GMDS: variants seen among roughly 807,000 people sequenced by gnomAD.
GMDS encodes GDP-mannose 4,6 dehydratase.
Under a neutral mutation model 49.9 loss-of-function variants are expected in GMDS, and 20 were observed. The observed-to-expected ratio is 0.40, with a 90% CI of 0.28 to 0.58. The LOEUF is 0.58. GMDS is among the 20% of genes least tolerant of loss of function. GMDS has a pLI of 0.42. For synonymous variants in GMDS, 177 were observed against 178.6 expected (o/e 0.99, Z 0.07); for missense variants, 362 against 481.4 (o/e 0.75, Z 2.32).
intron 8 of GMDS, among the ~76,000 whole-genome samples, chr6:1,739,538 C>T (rs73716367): frequency 0.026 from 3,951 of 152,372 alleles, 176 homozygotes; most frequent in African/African-American, 0.09. Context: ...AGAATCCTCA[C>T]ACCCTGAAAA....
rs547990639 is a variant in GMDS, at chr6:1,973,771, T to C, written c.346-12805A>G. On this transcript the variant is annotated intron_variant, in intron 4 of 10. Transcript: ENST00000380815. ...ATAACCTTGGCATCTAAATAGCTAA[T>C]AATTCTTTAGTTAATAGATAAAATG... Among the ~76,000 whole-genome samples, 22 of 152,284 alleles carry C rather than the reference T, an allele frequency of 1.4e-4. No individual in the cohort carries two copies. In the South Asian group the frequency reaches 3.9e-3, roughly 27 times the overall value.
At position 2,100,520 on chromosome 6, in the gene GMDS, G is replaced by A. The variant is rs190317630; in HGVS notation, c.345+15251C>T. On this transcript the variant is annotated intron_variant, in intron 4 of 10. Coordinates refer to ENST00000380815, the MANE Select transcript of GMDS (RefSeq NM_001500.4). ...TATTTTATAAAGCTGTACTAGAAAG[G>A]TCTAACGTCACAATACAATGTAAAT... 1.4e-4 allele frequency among the ~76,000 whole-genome samples: 22 copies of A among 152,072 alleles called. 1 individual carries two copies. Among genetic ancestry groups the A allele is most frequent in the Middle Eastern group, 3.4e-3 (1 of 294 alleles).
chr6:1,900,655 T>C (rs1032375535), intron 7 of GMDS, among the ~76,000 whole-genome samples: 1 of 152,186 alleles, frequency 6.6e-6, no homozygotes, highest in Non-Finnish European at 1.5e-5. Context: ...TTTCAAATAA[T>C]GTGACAAGAA....
chr6:1,806,269 C>T (rs766262316), intron 7 of GMDS, among the ~76,000 whole-genome samples: 1 of 152,104 alleles, frequency 6.6e-6, no homozygotes, highest in Non-Finnish European at 1.5e-5. Flanking sequence ...CATAGGCTAA[C>T]GTACTGAATA....
intron 1 of GMDS, among the ~76,000 whole-genome samples, chr6:2,165,309 G>A (rs1184136696): frequency 6.6e-6 from 1 of 152,226 alleles, no homozygotes; most frequent in Admixed American, 6.5e-5. Flanking sequence ...AGAGCCAGGA[G>A]AGCCTTGGTA....
intron 9 of GMDS, among the ~76,000 whole-genome samples, chr6:1,654,048 C>A (rs1231323617): frequency 6.6e-6 from 1 of 152,084 alleles, no homozygotes; most frequent in South Asian, 2.1e-4. Context: ...GTCAAAACCA[C>A]CATGAGATAC....
chr6:2,071,905 T>C (rs765995007), intron 4 of GMDS, among the ~76,000 whole-genome samples: 6 of 152,184 alleles, frequency 3.9e-5, no homozygotes, highest in Non-Finnish European at 8.8e-5. Context: ...TATACCTCAC[T>C]TTCTTTATGT....
chr6:1,631,682 A>G (rs1581389721), intron 9 of GMDS, among the ~76,000 whole-genome samples: 1 of 151,616 alleles, frequency 6.6e-6, no homozygotes, highest in African/African-American at 2.4e-5. Flanking sequence ...CTTCTCCCCA[A>G]TCCAAATATA....
At chr6:1,719,280 G>A (rs1018897624) in intron 9 of GMDS, among the ~76,000 whole-genome samples, 4 of 151,942 alleles carry the variant, frequency 2.6e-5, no homozygotes, top group Admixed American at 1.3e-4. Flanking sequence ...TAGAGAAGCC[G>A]GCCTGGCATG....
At chr6:1,994,440 C>G (rs564114131) in intron 4 of GMDS, among the ~76,000 whole-genome samples, 2 of 152,104 alleles carry the variant, frequency 1.3e-5, no homozygotes, top group Admixed American at 6.5e-5. Flanking sequence ...TTAATTTTCA[C>G]AAAGCATCAA....
In GMDS at chr6:2,102,496, G is replaced by C. The variant is rs184691276; in HGVS notation, c.345+13275C>G. Among the ~76,000 whole-genome samples the C allele has an allele frequency of 9.9e-5, 15 of 152,258 alleles. No homozygotes were observed. The East Asian group carries it at 1.9e-3, about 20-fold the overall frequency. ...ACGATTCTTTTGAAACCAAGCAATT[G>C]AAGGAAATGGTGTTGCAATACTGTC... On this transcript the variant is annotated intron_variant, in intron 4 of 10. Transcript: ENST00000380815.
rs536246384 is a variant in GMDS at position 1,721,661 on chromosome 6, C to T, written c.987+4755G>A. Among the ~76,000 whole-genome samples, 38 of 151,550 alleles carry T rather than the reference C, an allele frequency of 2.5e-4. No individual in the cohort carries two copies. In the South Asian group the frequency reaches 6.9e-3, roughly 27 times the overall value. On this transcript the variant is annotated intron_variant, in intron 9 of 10. Coordinates refer to ENST00000380815, the MANE Select transcript of GMDS (RefSeq NM_001500.4). ...TTTGCTTTTTTTTTCTTTTGTTTTG[C>T]TTTTTTAGTGGATTGACCATTTGAT... is the stretch of plus-strand genomic sequence containing the variant.
At chr6:1,714,266 C>G (rs902537094) in intron 9 of GMDS, among the ~76,000 whole-genome samples, 17 of 152,138 alleles carry the variant, frequency 1.1e-4, no homozygotes, top group Non-Finnish European at 2.1e-4. Flanking sequence ...GATCCACCTG[C>G]CTTGGCCTCC....
At position 1,944,953 on chromosome 6, in the gene GMDS, T is replaced by C. The variant is rs886094534; in HGVS notation, c.644-14723A>G. 5.9e-5 allele frequency among the ~76,000 whole-genome samples: 9 copies of C among 152,132 alleles called. No individual in the cohort carries two copies. In the East Asian group the frequency reaches 7.7e-4, roughly 13 times the overall value. On this transcript the variant is annotated intron_variant, in intron 6 of 10. Transcript: ENST00000380815. ...AGGCAATACCCTGAAAACAAATACA[T>C]ACAAAAGATACTTATTCACCCAAGG...
intron 4 of GMDS, among the ~76,000 whole-genome samples, chr6:2,079,328 G>A (rs1057453630): frequency 2.6e-5 from 4 of 151,444 alleles, no homozygotes; most frequent in Admixed American, 6.6e-5. Flanking sequence ...ATTGTTTTCT[G>A]GTTTTATATA....
chr6:1,810,842 A>G (rs1770397152), intron 7 of GMDS, among the ~76,000 whole-genome samples: 1 of 152,242 alleles, frequency 6.6e-6, no homozygotes, highest in Admixed American at 6.5e-5. Flanking sequence ...TTAATGATCA[A>G]AGTTAGGCAT....
At chr6:1,967,492 G>A (rs1764328967) in intron 4 of GMDS, among the ~76,000 whole-genome samples, 2 of 152,150 alleles carry the variant, frequency 1.3e-5, no homozygotes, top group South Asian at 4.1e-4. Context: ...TGAAATAAAA[G>A]GTAAAATTTC....
chr6:1,685,029 A>C (rs1764926355), intron 9 of GMDS, among the ~76,000 whole-genome samples: 2 of 150,446 alleles, frequency 1.3e-5, no homozygotes, highest in East Asian at 3.9e-4. Context: ...TTTTTTTTTA[A>C]CTACTTACCC....
intron 4 of GMDS, among the ~76,000 whole-genome samples, chr6:2,031,694 G>A (rs910826107): frequency 6.5e-4 from 99 of 152,260 alleles, no homozygotes; most frequent in African/African-American, 2.4e-3. Flanking sequence ...GGAAATCTGG[G>A]CTCAGGGCAT....
Sources: allele counts gnomAD v4.1 joint callset (sites outside exome capture counted in the v4.1 genomes callset), GRCh38; gene constraint gnomAD v4.1.1; transcripts MANE v1.5; gene names NCBI Gene and HGNC (gene_info 2026-07-23, HGNC 2026-07-21).